Variants in TTC7B observed in about 807,000 individuals in gnomAD.
TTC7B encodes the protein tetratricopeptide repeat protein 7B.
Under a neutral mutation model 106.8 loss-of-function variants are expected in TTC7B, and 28 were observed. The ratio of observed to expected loss-of-function variants is 0.26; its 90% CI spans 0.19 to 0.36. TTC7B has a LOEUF of 0.36. Among genes scored for constraint, TTC7B ranks in the 10% least tolerant of loss-of-function variants. TTC7B has a pLI of 1.00. For synonymous variants in TTC7B, 405 were observed against 430.6 expected (o/e 0.94, Z 0.74); for missense variants, 862 against 1,076.4 (o/e 0.80, Z 2.79).
rs1362886544 is a variant in TTC7B at position 90,600,945 on chromosome 14, C to T, written c.1967-7319G>A. Reference sequence around the variant, plus strand: ...GGAAGTGCCTTCTGCCTGGGGAAGGCTCTCTGAGCCTCCAAGTGCCTGACT... The same window carrying T: ...GGAAGTGCCTTCTGCCTGGGGAAGGTTCTCTGAGCCTCCAAGTGCCTGACT... On this transcript the variant is annotated intron_variant, in intron 17 of 19. Transcript: ENST00000328459. The surrounding 1 kb of genome is among the most constrained non-coding windows in gnomAD (Gnocchi z 4.3). Among the ~76,000 whole-genome samples the T allele has an allele frequency of 6.6e-6, 1 of 152,142 alleles. No individual in the cohort carries two copies. The highest frequency in any genetic ancestry group is 1.5e-5 in the Non-Finnish European group (1 of 68,024).
chr14:90,803,923 G>A (rs2030435723), intron 1 of TTC7B, among the ~76,000 whole-genome samples: 1 of 152,060 alleles, frequency 6.6e-6, no homozygotes, highest in African/African-American at 2.4e-5. Flanking sequence ...GCCCAGCAGG[G>A]CAGGAAGTGA....
intron 3 of TTC7B, chr14:90,766,759 T>G (rs1344205487): frequency 6.4e-7 from 1 of 1,571,386 alleles, no homozygotes; most frequent in Non-Finnish European, 8.7e-7. Context: ...TCCATGCCAG[T>G]ACAAGATCCC....
intron 19 of TTC7B, among the ~76,000 whole-genome samples, chr14:90,574,254 T>A (rs1891165873): frequency 6.6e-6 from 1 of 152,276 alleles, no homozygotes; most frequent in Admixed American, 6.5e-5. Context: ...TGTAAATTTA[T>A]ACACTTATGC....
intron 6 of TTC7B, among the ~76,000 whole-genome samples, chr14:90,695,163 A>G (rs1045942159): frequency 4.7e-5 from 6 of 126,778 alleles, no homozygotes; most frequent in African/African-American, 1.2e-4. Context: ...AAATAAATAT[A>G]CATATAAAAT....
rs1891287292 is a variant in TTC7B at position 90,577,075 on chromosome 14, C to T, written c.2310+1031G>A. Among the ~76,000 whole-genome samples the T allele has an allele frequency of 6.6e-6, 1 of 152,214 alleles. No homozygotes were observed. Reference sequence around the variant, plus strand: ...CTCACTCTTCCATATCACACACCACCATCTGGTTATGGGTGCTAAGCCTCC... The same window carrying T: ...CTCACTCTTCCATATCACACACCACTATCTGGTTATGGGTGCTAAGCCTCC... On this transcript the variant is annotated intron_variant, in intron 19 of 19. Transcript: ENST00000328459. The surrounding 1 kb of genome is among the most constrained non-coding windows in gnomAD (Gnocchi z 5.0).
intron 19 of TTC7B, among the ~76,000 whole-genome samples, chr14:90,558,980 G>A (rs1384696259): frequency 5.3e-5 from 8 of 152,240 alleles, no homozygotes; most frequent in Non-Finnish European, 1.2e-4. Context: ...ATGCTTGGGT[G>A]ACGGCAGAGA....
chr14:90,560,579 G>A (rs1479956431), intron 19 of TTC7B, among the ~76,000 whole-genome samples: 1 of 152,252 alleles, frequency 6.6e-6, no homozygotes, highest in African/African-American at 2.4e-5. Flanking sequence ...ACAATGGAAC[G>A]AGGAGAGGCT....
intron 1 of TTC7B, among the ~76,000 whole-genome samples, chr14:90,790,234 A>G (rs1022253572): frequency 1.3e-5 from 2 of 151,986 alleles, no homozygotes; most frequent in African/African-American, 2.4e-5. Context: ...TAATTTTTAA[A>G]TTCTCATCTT....
intron 5 of TTC7B, among the ~76,000 whole-genome samples, chr14:90,725,575 C>A (rs1247537664): frequency 2.0e-5 from 3 of 152,196 alleles, no homozygotes; most frequent in Admixed American, 2.0e-4. Context: ...GGTCCAAAAG[C>A]CCTTCCATAC....
intron 19 of TTC7B, among the ~76,000 whole-genome samples, chr14:90,569,336 T>C (rs1890929309): frequency 1.3e-5 from 2 of 152,136 alleles, no homozygotes; most frequent in Non-Finnish European, 1.5e-5. Context: ...GTGATCACAA[T>C]CTACAGAGGG....
At chr14:90,714,517 C>A (rs998408749) in intron 5 of TTC7B, among the ~76,000 whole-genome samples, 1 of 150,288 alleles carries the variant, frequency 6.7e-6, no homozygotes, top group Admixed American at 6.6e-5. Flanking sequence ...AGTGCAATGG[C>A]GCAATCTTGG....
intron 1 of TTC7B, among the ~76,000 whole-genome samples, chr14:90,791,833 G>A (rs771442212): frequency 2.6e-5 from 4 of 152,138 alleles, no homozygotes; most frequent in East Asian, 1.9e-4. Flanking sequence ...AGCTGCCACC[G>A]AGCCCCCGAC....
intron 15 of TTC7B, among the ~76,000 whole-genome samples, chr14:90,626,216 C>T (rs567018173): frequency 6.1e-4 from 93 of 152,326 alleles, no homozygotes; most frequent in African/African-American, 2.2e-3. Context: ...TTAGGAAATT[C>T]TGTGCTCATT....
intron 19 of TTC7B, among the ~76,000 whole-genome samples, chr14:90,545,298 C>A (rs1439247092): frequency 2.0e-5 from 3 of 152,222 alleles, no homozygotes; most frequent in Non-Finnish European, 4.4e-5. Context: ...CCAGTTACAT[C>A]CAAGCAACAG....
intron 19 of TTC7B, among the ~76,000 whole-genome samples, chr14:90,555,941 T>C (rs368372231): frequency 6.6e-6 from 1 of 152,322 alleles, no homozygotes; most frequent in South Asian, 2.1e-4. Context: ...GGGAGGGTGA[T>C]GGGGAATCCC....
chr14:90,803,294 T>C (rs899660890), intron 1 of TTC7B, among the ~76,000 whole-genome samples: 5 of 152,152 alleles, frequency 3.3e-5, no homozygotes, highest in African/African-American at 1.2e-4. Context: ...TATCCCCTCA[T>C]ACTTATGTTC....
intron 18 of TTC7B, among the ~76,000 whole-genome samples, chr14:90,584,771 CT>C (rs1032239893): frequency 2.0e-4 from 31 of 152,240 alleles, no homozygotes; most frequent in African/African-American, 7.2e-4. Context: ...TCCTTTACCC[CT>C]GACCCTGCCT....
chr14:90,590,997 G>A (rs1891934176), intron 18 of TTC7B, among the ~76,000 whole-genome samples: 1 of 152,128 alleles, frequency 6.6e-6, no homozygotes, highest in Non-Finnish European at 1.5e-5. Flanking sequence ...TGTCCTATGG[G>A]CCATGCAATG....
In TTC7B at chr14:90,536,513, A is replaced by G. The variant is rs149423083; in HGVS notation, c.*4855T>C. 2.3e-3 allele frequency: 346 copies of G among 152,204 alleles called. No homozygotes were observed. The highest frequency in any genetic ancestry group is 8.1e-3 in the African/African-American group (336 of 41,412). 9.4% of individuals were successfully genotyped at this position (152,204 alleles called of 1,614,324 possible). A position where few individuals can be genotyped will look rare whatever the true frequency, so the allele number is the denominator to read the frequency against. On this transcript the variant is annotated 3_prime_UTR_variant, in exon 20 of 20. Coordinates refer to ENST00000328459, the MANE Select transcript of TTC7B (RefSeq NM_001010854.2). ...TGCCTTCTCCTCTCCTCCCCAACCT[A>G]TTCTTCCTGTTTCCTGGCCATCATC... is the stretch of plus-strand genomic sequence containing the variant.
Sources: allele counts gnomAD v4.1 joint callset (sites outside exome capture counted in the v4.1 genomes callset), GRCh38; gene constraint gnomAD v4.1.1; non-coding constraint Gnocchi (gnomAD v3.1); transcripts MANE v1.5; gene names NCBI Gene and HGNC (gene_info 2026-07-23, HGNC 2026-07-21).